The following KIF26B variants were observed in gnomAD, a reference collection of about 807,000 sequenced individuals.
KIF26B encodes kinesin family member 26B.
Under a neutral mutation model 151.2 loss-of-function variants are expected in KIF26B, and 63 were observed. That is an observed-to-expected ratio of 0.42 (90% CI 0.34 to 0.51). KIF26B has a LOEUF of 0.51. Ranked by LOEUF, KIF26B falls within the 20% of genes least tolerant of loss-of-function variation. The pLI is 0.07. For missense variants in KIF26B, 2,813 were observed against 2,913.6 expected, an observed-to-expected ratio of 0.97 and a Z score of 0.79; for synonymous variants, 1,357 against 1,262.1, an observed-to-expected ratio of 1.08 and a Z score of -1.59.
rs1399516542 is a variant in KIF26B, at chr1:245,560,156, G to A, written c.1350+19206G>A. 1.3e-5 allele frequency among the ~76,000 whole-genome samples: 2 copies of A among 152,096 alleles called. No individual in the cohort carries two copies. The highest frequency in any genetic ancestry group is 2.4e-5 in the African/African-American group (1 of 41,398). ...TCCCCTACTCCAGACCGTGAGTTGT[G>A]GATGAAAGGGGCTGTATCTTACTTG... On this transcript the variant is annotated intron_variant, in intron 5 of 14. Transcript: ENST00000407071. The surrounding 1 kb of genome is among the most constrained non-coding windows in gnomAD (Gnocchi z 4.3).
chr1:245,161,253 C>T (rs911418267), intron 2 of KIF26B, among the ~76,000 whole-genome samples: 1 of 152,178 alleles, frequency 6.6e-6, no homozygotes, highest in Non-Finnish European at 1.5e-5. Flanking sequence ...GAGCAGTAAT[C>T]TCTTTTTAAG....
At chr1:245,483,693 C>T (rs1040387522) in intron 4 of KIF26B, among the ~76,000 whole-genome samples, 2 of 151,742 alleles carry the variant, frequency 1.3e-5, no homozygotes, top group Non-Finnish European at 2.9e-5. Context: ...CTTGTAACAG[C>T]AGAGGAAGCA....
In KIF26B at chr1:245,634,643, TAATC is replaced by T. The variant is rs538883189; in HGVS notation, c.2099-11475_2099-11472del. On this transcript the variant is annotated intron_variant, in intron 9 of 14. Transcript: ENST00000407071. ...ATTATATTGATTAGGTTTTTTTTGT[TAATC>T]AACCTTGCATTCCTGAAATAAACCT... is the stretch of plus-strand genomic sequence containing the variant. Among the ~76,000 whole-genome samples, 17 of 152,296 alleles carry T rather than the reference TAATC, an allele frequency of 1.1e-4. No homozygotes were observed. The East Asian group carries it at 2.5e-3, about 22-fold the overall frequency.
intron 5 of KIF26B, among the ~76,000 whole-genome samples, chr1:245,552,197 T>C (rs900613190): frequency 6.1e-5 from 9 of 148,694 alleles, no homozygotes; most frequent in African/African-American, 2.2e-4. Context: ...ATTGACTGAT[T>C]TTCAGGACTG....
rs1158999420 is a variant in KIF26B at position 245,707,597 on chromosome 1, T to C, written c.*4991T>C. ...CTGGATCTGTCTGTGGCTATTTTTTTCCATGTTTTTCTCACTCAAGCAAAG... is the reference window on the plus strand; with the variant it reads ...CTGGATCTGTCTGTGGCTATTTTTTCCCATGTTTTTCTCACTCAAGCAAAG... On this transcript the variant is annotated 3_prime_UTR_variant, in exon 15 of 15. Transcript: ENST00000407071. The C allele has an allele frequency of 6.6e-6, 1 of 152,218 alleles. No homozygotes were observed. Among genetic ancestry groups the C allele is most frequent in the Non-Finnish European group, 1.5e-5 (1 of 68,032 alleles). 9.4% of individuals were successfully genotyped at this position (152,218 alleles called of 1,614,324 possible). A position where few individuals can be genotyped will look rare whatever the true frequency, so the allele number is the denominator to read the frequency against.
chr1:245,652,007 A>G (rs1019800036), intron 10 of KIF26B, among the ~76,000 whole-genome samples: 51 of 152,252 alleles, frequency 3.3e-4, no homozygotes, highest in African/African-American at 1.2e-3. Flanking sequence ...ACGTACCATG[A>G]AATTAAGTAG....
intron 3 of KIF26B, among the ~76,000 whole-genome samples, chr1:245,411,793 A>T (rs1358003417): frequency 6.6e-6 from 1 of 152,148 alleles, no homozygotes; most frequent in African/African-American, 2.4e-5. Flanking sequence ...ATAGAAAGGG[A>T]CATAATTTTT....
At chr1:245,457,351 A>G (rs533172835) in intron 4 of KIF26B, among the ~76,000 whole-genome samples, 150 of 152,368 alleles carry the variant, frequency 9.8e-4, no homozygotes, top group Middle Eastern at 3.4e-3. Context: ...ACATCCACAT[A>G]TATGACCTAA....
Position 245,698,046 on chromosome 1 carries a change from AAAC to A in KIF26B, c.5825-54_5825-52del, listed in dbSNP as rs1454844398. The stretch of plus-strand genomic sequence containing the variant: ...AACAGAGCAAGACCCTGTCTCAAAA[AAAC>A]AACAAAAAAATTGAAATTCAGAAAG... On this transcript the variant is annotated intron_variant, in intron 12 of 14. Coordinates refer to ENST00000407071, the MANE Select transcript of KIF26B (RefSeq NM_018012.4). This position sits in a 1 kb window ranked among gnomAD's most constrained non-coding sequence, Gnocchi z 4.0. 6.6e-7 allele frequency: 1 copy of A among 1,511,070 alleles called. No individual in the cohort carries two copies. Among genetic ancestry groups the A allele is most frequent in the Non-Finnish European group, 9.0e-7 (1 of 1,116,014 alleles). 93.6% of individuals were successfully genotyped at this position (1,511,070 alleles called of 1,614,324 possible). A position where few individuals can be genotyped will look rare whatever the true frequency, so the allele number is the denominator to read the frequency against.
chr1:245,419,456 A>G (rs1291027717), intron 3 of KIF26B, 123 bp from the exon 4 acceptor site: 3 of 777,484 alleles, frequency 3.9e-6, no homozygotes, highest in Non-Finnish European at 6.0e-6. Flanking sequence ...CGTGTAACTG[A>G]ATGCAGGTGG....
intron 2 of KIF26B, among the ~76,000 whole-genome samples, chr1:245,209,490 G>A (rs1315745995): frequency 2.6e-5 from 4 of 152,104 alleles, no homozygotes; most frequent in East Asian, 1.9e-4. Context: ...ACAGAAACAC[G>A]TGTAGAAGTG....
chr1:245,485,960 G>A (rs935555156), intron 4 of KIF26B, among the ~76,000 whole-genome samples: 94 of 152,136 alleles, frequency 6.2e-4, no homozygotes, highest in African/African-American at 2.9e-4. Context: ...AGTATTTTTC[G>A]TGGTGGCAAC....
intron 4 of KIF26B, among the ~76,000 whole-genome samples, chr1:245,498,339 G>A (rs1660552196): frequency 1.3e-5 from 2 of 152,162 alleles, no homozygotes; most frequent in Non-Finnish European, 1.5e-5. Flanking sequence ...TCTTGGCTCC[G>A]TGTGTTTAAT....
intron 4 of KIF26B, among the ~76,000 whole-genome samples, chr1:245,520,198 G>GA (rs1020637974): frequency 2.6e-4 from 36 of 138,920 alleles, no homozygotes; most frequent in Admixed American, 9.5e-4. Context: ...CCAGAAATAG[G>GA]AAAAAAAAAA....
chr1:245,219,723 G>A (rs1363288832), intron 2 of KIF26B, among the ~76,000 whole-genome samples: 1 of 152,092 alleles, frequency 6.6e-6, no homozygotes, highest in African/African-American at 2.4e-5. Context: ...AACAGAGTGA[G>A]ATCCTGTCCC....
rs534426531 is a variant in KIF26B, at chr1:245,488,317, A to C, written c.1167-52450A>C. ...AAAGAATCCTCTAACCATATGGGGA[A>C]AAAAAAAAATCAGCAACAACTTTGT... On this transcript the variant is annotated intron_variant, in intron 4 of 14. Coordinates refer to ENST00000407071, the MANE Select transcript of KIF26B (RefSeq NM_018012.4). This position sits in a 1 kb window ranked among gnomAD's most constrained non-coding sequence, Gnocchi z 4.6. Among the ~76,000 whole-genome samples the C allele has an allele frequency of 6.8e-6, 1 of 147,976 alleles. No individual in the cohort carries two copies. The highest frequency in any genetic ancestry group is 2.5e-5 in the African/African-American group (1 of 39,340).
intron 9 of KIF26B, among the ~76,000 whole-genome samples, chr1:245,637,769 A>G (rs559181375): frequency 1.3e-5 from 2 of 152,122 alleles, no homozygotes; most frequent in African/African-American, 2.4e-5. Flanking sequence ...TCTTTTCCCC[A>G]ATGTATGTTA....
chr1:245,548,108 C>A (rs1661790245), intron 5 of KIF26B, among the ~76,000 whole-genome samples: 1 of 152,176 alleles, frequency 6.6e-6, no homozygotes, highest in African/African-American at 2.4e-5. Context: ...ATATACTCCA[C>A]AAGACGTATC....
In KIF26B at chr1:245,687,625, G is replaced by A. The variant is rs1162972319; in HGVS notation, c.4642G>A (p.Glu1548Lys). 4.5e-6 allele frequency: 7 copies of A among 1,565,254 alleles called. No individual in the cohort carries two copies. Among genetic ancestry groups the A allele is most frequent in the Non-Finnish European group, 6.1e-6 (7 of 1,155,362 alleles). The change falls in exon 12 of 15, where the codon GAG (glutamate) becomes AAG (lysine). Residue 1548 changes from glutamate to lysine, a missense_variant. Around this residue, in one of 3 missense-constraint regions of KIF26B, gnomAD observed 2,060 missense variants for 2,088.6 expected, o/e 0.99. Coordinates refer to ENST00000407071, the MANE Select transcript of KIF26B (RefSeq NM_018012.4). The surrounding 1 kb of genome is among the most constrained non-coding windows in gnomAD (Gnocchi z 4.9). Reference sequence around the variant, plus strand: ...GGCCTTTCAGAAGGCCAGCCGGCAGGAGGAGCCGGACAGCCTCTCCTATTA... The same window carrying A: ...GGCCTTTCAGAAGGCCAGCCGGCAGAAGGAGCCGGACAGCCTCTCCTATTA... ...PRAFQKASRQ[E>K]EPDSLSYYCA...
Sources: gnomAD v4.1 joint callset for allele counts (sites outside exome capture counted in the v4.1 genomes callset) on GRCh38, gnomAD v4.1.1 for gene constraint, gnomAD v4.1.1 regional missense constraint, Gnocchi (gnomAD v3.1) non-coding constraint, MANE v1.5 for transcripts, NCBI Gene and HGNC (gene_info 2026-07-23, HGNC 2026-07-21) for gene names.